The following WNT6 variants were observed in gnomAD, a reference collection of about 807,000 sequenced individuals.
WNT6 encodes Wnt family member 6.
WNT6 carries 27 observed loss-of-function variants against 33.1 expected under a neutral mutation model. The observed-to-expected ratio is 0.82, with a 90% CI of 0.60 to 1.12. The LOEUF (loss-of-function observed/expected upper bound fraction) is 1.12. Ranked by LOEUF, WNT6 falls within the 50% of genes most tolerant of loss-of-function variation. The pLI is 0.00. For missense variants in WNT6, 494 were observed against 535.3 expected, an observed-to-expected ratio of 0.92 and a Z score of 0.76; for synonymous variants, 249 against 242.8, an observed-to-expected ratio of 1.03 and a Z score of -0.24.
intron 1 of WNT6, among the ~76,000 whole-genome samples, chr2:218,869,447 G>C (rs1162977950): frequency 6.6e-6 from 1 of 152,112 alleles, no homozygotes; most frequent in African/African-American, 2.4e-5. Context: ...TGTACTTGTG[G>C]AGCAAATGGG....
chr2:218,866,222 G>T (rs1229954527), intron 1 of WNT6, among the ~76,000 whole-genome samples: 2 of 152,318 alleles, frequency 1.3e-5, no homozygotes, highest in Admixed American at 6.5e-5. Context: ...GGTGGGGTCA[G>T]TGTGGGGACC....
At position 218,874,226 on chromosome 2, in the gene WNT6, A is replaced by C; in HGVS notation, c.*381A>C. 1 of 204,174 alleles carries C rather than the reference A, an allele frequency of 4.9e-6. No individual in the cohort carries two copies. The highest frequency in any genetic ancestry group is 1.1e-4 in the East Asian group (1 of 9,062). The allele number at this position is 204,174 out of a possible 1,614,324, so 12.6% of individuals were successfully genotyped here. ...AGGTTAGTATCAATAAAGATATTTA[A>C]ACCACCAGGGCTGGACCCACAGTTT... On this transcript the variant is annotated 3_prime_UTR_variant, in exon 4 of 4. Transcript: ENST00000233948.
rs1437991164 is a variant in WNT6 at position 218,867,411 on chromosome 2, AG to A, written c.81-3614del. Among the ~76,000 whole-genome samples the A allele has an allele frequency of 3.9e-5, 6 of 152,204 alleles. No individual in the cohort carries two copies. Among genetic ancestry groups the A allele is most frequent in the African/African-American group, 1.4e-4 (6 of 41,448 alleles). Reference sequence around the variant, plus strand: ...CAGAAACCTAGGACATCCAGGGCTTAGGTCTACACATATTGCCAATAGGGAC... The same window carrying A: ...CAGAAACCTAGGACATCCAGGGCTTAGTCTACACATATTGCCAATAGGGAC... On this transcript the variant is annotated intron_variant, in intron 1 of 3. Coordinates refer to ENST00000233948, the MANE Select transcript of WNT6 (RefSeq NM_006522.4). The surrounding 1 kb of genome is among the most constrained non-coding windows in gnomAD (Gnocchi z 4.9).
At chr2:218,868,052 C>A (rs1007680969) in intron 1 of WNT6, among the ~76,000 whole-genome samples, 1 of 152,108 alleles carries the variant, frequency 6.6e-6, no homozygotes, top group Non-Finnish European at 1.5e-5. Context: ...AGGATGGGAG[C>A]AAGGACAGGA....
In WNT6 at chr2:218,873,233, T is replaced by C. The variant is rs1327497859; in HGVS notation, c.637-151T>C. ...CCCCTCCGAGTTGTCCTTTCCTTGA[T>C]TTCCTCCCCCTGAACTTGCGGTCTC... On this transcript the variant is annotated intron_variant, in intron 3 of 3. Coordinates refer to ENST00000233948, the MANE Select transcript of WNT6 (RefSeq NM_006522.4). This position sits in a 1 kb window ranked among gnomAD's most constrained non-coding sequence, Gnocchi z 6.1. 1 of 732,934 alleles carries C rather than the reference T, an allele frequency of 1.4e-6. No individual in the cohort carries two copies. Among genetic ancestry groups the C allele is most frequent in the African/African-American group, 1.8e-5 (1 of 55,144 alleles). 45.4% of individuals were successfully genotyped at this position (732,934 alleles called of 1,614,324 possible).
intron 1 of WNT6, among the ~76,000 whole-genome samples, chr2:218,868,948 A>G (rs1455418233): frequency 6.6e-6 from 1 of 152,118 alleles, no homozygotes; most frequent in Non-Finnish European, 1.5e-5. Context: ...CCTTCTTATA[A>G]TGAGGTGGGA....
At position 218,871,159 on chromosome 2, in the gene WNT6, C is replaced by T; in HGVS notation, c.213C>T (p.Leu71=). 1 of 1,613,684 alleles carries T rather than the reference C, an allele frequency of 6.2e-7. No homozygotes were observed. The highest frequency in any genetic ancestry group is 8.5e-7 in the Non-Finnish European group (1 of 1,179,934). The change falls in exon 2 of 4, where the codon CTC becomes CTT. Residue 71 remains leucine (L), a synonymous_variant. Coordinates refer to ENST00000233948, the MANE Select transcript of WNT6 (RefSeq NM_006522.4). This position sits in a 1 kb window ranked among gnomAD's most constrained non-coding sequence, Gnocchi z 6.4. ...CAGAGCTAGCTCGGGGCGCCCGGCT[C>T]GGGGTGCGAGAGTGCCAGTTCCAGT... The part of the protein sequence containing the change: ...VVAELARGAR[L]GVRECQFQFR...
intron 1 of WNT6, among the ~76,000 whole-genome samples, chr2:218,861,080 C>T (rs1162769948): frequency 6.6e-6 from 1 of 152,214 alleles, no homozygotes; most frequent in African/African-American, 2.4e-5. Context: ...AGGGTCGTGT[C>T]TATTTGCATA....
rs772203707 is a variant in WNT6 at position 218,871,073 on chromosome 2, A to G, written c.127A>G (p.Lys43Glu). 6.2e-7 allele frequency: 1 copy of G among 1,613,486 alleles called. No homozygotes were observed. The highest frequency in any genetic ancestry group is 8.5e-7 in the Non-Finnish European group (1 of 1,179,752). Residue 43 changes from lysine to glutamate, a missense_variant, in exon 2 of 4, where the codon AAG (lysine) becomes GAG (glutamate). Physicochemically the swap from Lys to Glu is moderately conservative, Grantham distance 56 (BLOSUM62 1). Coordinates refer to ENST00000233948, the MANE Select transcript of WNT6 (RefSeq NM_006522.4). The surrounding 1 kb of genome is among the most constrained non-coding windows in gnomAD (Gnocchi z 6.4). Reference sequence around the variant, plus strand: ...TATGGACCCTACCAGCATCTGCAGGAAGGCACGGCGGCTGGCCGGGCGGCA... The same window carrying G: ...TATGGACCCTACCAGCATCTGCAGGGAGGCACGGCGGCTGGCCGGGCGGCA... ...LVMDPTSICR[K>E]ARRLAGRQAE...
chr2:218,863,720 G>C (rs1345358756), intron 1 of WNT6, among the ~76,000 whole-genome samples: 1 of 152,090 alleles, frequency 6.6e-6, no homozygotes, highest in African/African-American at 2.4e-5. Flanking sequence ...GTGGTGGCAG[G>C]TGCCTGTAAT....
At chr2:218,862,141 TG>T (rs1472735035) in intron 1 of WNT6, among the ~76,000 whole-genome samples, 1 of 151,540 alleles carries the variant, frequency 6.6e-6, no homozygotes, top group African/African-American at 2.4e-5. Flanking sequence ...GGGGAGGAGG[TG>T]ACACGGGCAG....
chr2:218,865,910 G>A (rs932686568), intron 1 of WNT6, among the ~76,000 whole-genome samples: 1 of 151,794 alleles, frequency 6.6e-6, no homozygotes, highest in African/African-American at 2.4e-5. Context: ...TGGGTTAGGG[G>A]TGGTGAGGTG....
At chr2:218,872,498 T>C (rs1302605498) in intron 3 of WNT6, among the ~76,000 whole-genome samples, 1 of 151,850 alleles carries the variant, frequency 6.6e-6, no homozygotes, top group Non-Finnish European at 1.5e-5. Flanking sequence ...CTCCCCTCTG[T>C]AACGAGGAGA....
chr2:218,861,091 T>G (rs982352269), intron 1 of WNT6, among the ~76,000 whole-genome samples: 20 of 152,206 alleles, frequency 1.3e-4, no homozygotes, highest in Non-Finnish European at 2.9e-4. Context: ...TATTTGCATA[T>G]TGCCATGTGA....
intron 3 of WNT6, among the ~76,000 whole-genome samples, 188 bp downstream of exon 3, chr2:218,872,007 C>T (rs1263254708): frequency 6.6e-6 from 1 of 151,696 alleles, no homozygotes; most frequent in Non-Finnish European, 1.5e-5. Context: ...AGGTGTCCAG[C>T]CTCCAAGAAG....
intron 1 of WNT6, among the ~76,000 whole-genome samples, chr2:218,863,535 A>G (rs1203617378): frequency 6.6e-6 from 1 of 152,068 alleles, no homozygotes; most frequent in African/African-American, 2.4e-5. Context: ...CCTTACTCCA[A>G]TGTGATGCAT....
At position 218,867,764 on chromosome 2, in the gene WNT6, G is replaced by A. The variant is rs1352789790; in HGVS notation, c.81-3263G>A. On this transcript the variant is annotated intron_variant, in intron 1 of 3. Transcript: ENST00000233948. The surrounding 1 kb of genome is among the most constrained non-coding windows in gnomAD (Gnocchi z 4.9). The stretch of plus-strand genomic sequence containing the variant: ...CTGACCCAAAGGCCTGAAAAGCAGA[G>A]TTCACTCCCTAAGGAAGCATAAAGC... Among the ~76,000 whole-genome samples, 1 of 152,232 alleles carries A rather than the reference G, an allele frequency of 6.6e-6. No homozygotes were observed. Among genetic ancestry groups the A allele is most frequent in the African/African-American group, 2.4e-5 (1 of 41,456 alleles).
At chr2:218,872,862 G>A (rs1221094640) in intron 3 of WNT6, among the ~76,000 whole-genome samples, 1 of 152,100 alleles carries the variant, frequency 6.6e-6, no homozygotes, top group Non-Finnish European at 1.5e-5. Context: ...CGGGCAGGGG[G>A]AGGAGGGGGC....
At position 218,871,751 on chromosome 2, in the gene WNT6, C is replaced by T. The variant is rs761179896; in HGVS notation, c.568C>T (p.Arg190Trp). The change falls in exon 3 of 4, where the codon CGG becomes TGG. Residue 190 changes from arginine to tryptophan, a missense_variant. Coordinates refer to ENST00000233948, the MANE Select transcript of WNT6 (RefSeq NM_006522.4). This position sits in a 1 kb window ranked among gnomAD's most constrained non-coding sequence, Gnocchi z 6.4. ...GAAGTCGAGGCTCTTTATGGACGCG[C>T]GGCACAAGCGGGGACGCGGAGACAT... is the stretch of plus-strand genomic sequence containing the variant. ...DEKSRLFMDA[R>W]HKRGRGDIRA... 1.2e-6 allele frequency: 2 copies of T among 1,602,112 alleles called. No homozygotes were observed. Among genetic ancestry groups the T allele is most frequent in the African/African-American group, 2.7e-5 (2 of 73,544 alleles).
Sources: allele counts gnomAD v4.1 joint callset (sites outside exome capture counted in the v4.1 genomes callset), GRCh38; gene constraint gnomAD v4.1.1; non-coding constraint Gnocchi (gnomAD v3.1); transcripts MANE v1.5; gene names NCBI Gene and HGNC (gene_info 2026-07-23, HGNC 2026-07-21).